Variants in GTF2H5 observed in about 807,000 individuals in gnomAD.
GTF2H5 encodes TFB5 ortholog.
Under a neutral mutation model 7.1 loss-of-function variants are expected in GTF2H5, and 5 were observed. The ratio of observed to expected loss-of-function variants is 0.71; its 90% CI spans 0.37 to 1.49. GTF2H5 has a LOEUF of 1.49. Among genes scored for constraint, GTF2H5 ranks in the 40% most tolerant of loss-of-function variants. The pLI is 0.03. For synonymous variants in GTF2H5, 30 were observed against 31.7 expected (o/e 0.95, Z 0.18); for missense variants, 80 against 83.0 (o/e 0.96, Z 0.14).
intron 2 of GTF2H5, among the ~76,000 whole-genome samples, chr6:158,171,090 A>G (rs994619208): frequency 3.3e-5 from 5 of 152,302 alleles, no homozygotes; most frequent in South Asian, 4.1e-4. Flanking sequence ...TGCATGGATA[A>G]TGATACTGTT....
chr6:158,188,783 A>G (rs1776973859), intron 2 of GTF2H5, among the ~76,000 whole-genome samples: 1 of 152,140 alleles, frequency 6.6e-6, no homozygotes, highest in Non-Finnish European at 1.5e-5. Context: ...GTTGCCATTC[A>G]GTTGCATGTC....
intron 2 of GTF2H5, among the ~76,000 whole-genome samples, chr6:158,185,166 A>C (rs149809043): frequency 5.7e-4 from 86 of 150,432 alleles, no homozygotes; most frequent in African/African-American, 2.1e-3. Flanking sequence ...TTTTTTAATA[A>C]TTAAAGAGTC....
chr6:158,175,044 G>GTGTGTGTGTGTA, intron 2 of GTF2H5, among the ~76,000 whole-genome samples: 7,625 of 142,804 alleles, frequency 0.053, 710 homozygotes, highest in African/African-American at 0.19. Context: ...GTGTGTGTGT[G>GTGTGTGTGTGTA]TATACACACA....
intron 2 of GTF2H5, among the ~76,000 whole-genome samples, chr6:158,180,057 GC>G (rs1189411918): frequency 6.6e-6 from 1 of 152,122 alleles, no homozygotes; most frequent in African/African-American, 2.4e-5. Flanking sequence ...AGCATGAAAG[GC>G]TGTTGAATTT....
intron 2 of GTF2H5, among the ~76,000 whole-genome samples, chr6:158,184,759 C>T (rs1776883881): frequency 6.6e-6 from 1 of 152,092 alleles, no homozygotes; most frequent in South Asian, 2.1e-4. Context: ...GATAGTTTAC[C>T]ATTGACTAAG....
At chr6:158,169,476 A>G (rs1476007411) in intron 1 of GTF2H5, among the ~76,000 whole-genome samples, 29 of 76,042 alleles carry the variant, frequency 3.8e-4, no homozygotes, top group Non-Finnish European at 5.7e-4. Flanking sequence ...ATTGTATATT[A>G]TATATAATAT....
intron 2 of GTF2H5, among the ~76,000 whole-genome samples, chr6:158,183,801 G>A (rs969173145): frequency 8.5e-5 from 13 of 152,230 alleles, no homozygotes; most frequent in Admixed American, 6.5e-5. Flanking sequence ...TCCAGGTATA[G>A]TCACTCATAG....
chr6:158,185,976 C>T (rs959794848), intron 2 of GTF2H5, among the ~76,000 whole-genome samples: 7 of 151,952 alleles, frequency 4.6e-5, no homozygotes, highest in Admixed American at 1.3e-4. Context: ...GCCTGGGTGA[C>T]GGTGAGACTC....
chr6:158,170,736 G>T (rs952717127), intron 2 of GTF2H5, among the ~76,000 whole-genome samples, 198 bp downstream of exon 2: 1 of 152,190 alleles, frequency 6.6e-6, no homozygotes, highest in Non-Finnish European at 1.5e-5. Context: ...GAACTGGCAT[G>T]ATCAGAGGCA....
In GTF2H5 at chr6:158,192,163, C is replaced by T. The variant is rs1344765106; in HGVS notation, c.*6C>T. 2.0e-5 allele frequency: 32 copies of T among 1,604,960 alleles called. No individual in the cohort carries two copies. Among genetic ancestry groups the T allele is most frequent in the Non-Finnish European group, 2.6e-5 (31 of 1,173,256 alleles). On this transcript the variant is annotated 3_prime_UTR_variant, in exon 3 of 3. Coordinates refer to ENST00000607778, the MANE Select transcript of GTF2H5 (RefSeq NM_207118.3). ...TTTCCCTTACCCAGAAATGAAAATACTCAATATGGACCATTTAGGAATTAT... is the reference window on the plus strand; with the variant it reads ...TTTCCCTTACCCAGAAATGAAAATATTCAATATGGACCATTTAGGAATTAT...
At chr6:158,170,604 T>C in intron 2 of GTF2H5, 66 bp downstream of exon 2, 2 of 1,120,568 alleles carry the variant, frequency 1.8e-6, no homozygotes, top group South Asian at 2.5e-5. Flanking sequence ...TATGTATGTC[T>C]TTTCTAAAAC....
intron 2 of GTF2H5, among the ~76,000 whole-genome samples, chr6:158,186,252 C>T (rs573687109): frequency 8.5e-5 from 13 of 152,278 alleles, no homozygotes; most frequent in African/African-American, 1.9e-4. Flanking sequence ...AGTCCTGAGG[C>T]GCTTCTTGGT....
chr6:158,187,366 A>T (rs775430884), intron 2 of GTF2H5, among the ~76,000 whole-genome samples: 6 of 152,112 alleles, frequency 3.9e-5, no homozygotes, highest in Non-Finnish European at 8.8e-5. Context: ...AAAGGAATGG[A>T]GAGTCTCTAC....
At position 158,169,509 on chromosome 6, in the gene GTF2H5, GTATAT is replaced by G. The variant is rs1454678492; in HGVS notation, c.-34-955_-34-951del. 1.3e-4 allele frequency among the ~76,000 whole-genome samples: 7 copies of G among 55,824 alleles called. 1 individual carries two copies. Among genetic ancestry groups the G allele is most frequent in the African/African-American group, 4.6e-4 (6 of 13,010 alleles). The allele number at this position is 55,824 out of a possible 152,430, so 36.6% of individuals were successfully genotyped here. ...TATATTGTATATTATATAATATATT[GTATAT>G]TATATATAATATACAGTATATTATA... On this transcript the variant is annotated intron_variant, in intron 1 of 2. Transcript: ENST00000607778.
At position 158,196,879 on chromosome 6, in the gene GTF2H5, G is replaced by T. The variant is rs1738379501; in HGVS notation, c.*4722G>T. 1 of 152,178 alleles carries T rather than the reference G, an allele frequency of 6.6e-6. No individual in the cohort carries two copies. Among genetic ancestry groups the T allele is most frequent in the African/African-American group, 2.4e-5 (1 of 41,434 alleles). 9.4% of individuals were successfully genotyped at this position (152,178 alleles called of 1,614,324 possible). A position where few individuals can be genotyped will look rare whatever the true frequency, so the allele number is the denominator to read the frequency against. On this transcript the variant is annotated 3_prime_UTR_variant, in exon 3 of 3. Transcript: ENST00000607778. The stretch of plus-strand genomic sequence containing the variant: ...TCTCATTCATGCCCTACTTGAAGAG[G>T]ACCAATGATTAACAGCAGAAACGAT...
intron 2 of GTF2H5, among the ~76,000 whole-genome samples, chr6:158,180,998 T>C (rs1229118621): frequency 6.6e-6 from 1 of 152,200 alleles, no homozygotes; most frequent in Non-Finnish European, 1.5e-5. Context: ...TGCTTTCTCT[T>C]GTGGGCATTT....
intron 2 of GTF2H5, among the ~76,000 whole-genome samples, chr6:158,172,630 G>C (rs2128429099): frequency 6.6e-6 from 1 of 152,056 alleles, no homozygotes; most frequent in Non-Finnish European, 1.5e-5. Flanking sequence ...GTTTTTGTCT[G>C]TTCATTTTGC....
At chr6:158,189,064 C>T (rs923376860) in intron 2 of GTF2H5, among the ~76,000 whole-genome samples, 4 of 151,952 alleles carry the variant, frequency 2.6e-5, no homozygotes, top group Admixed American at 2.0e-4. Flanking sequence ...TTCCTTCCCC[C>T]ACCCACCTTT....
intron 2 of GTF2H5, among the ~76,000 whole-genome samples, chr6:158,184,552 C>T (rs1251192611): frequency 6.6e-6 from 1 of 152,136 alleles, no homozygotes; most frequent in Non-Finnish European, 1.5e-5. Context: ...TGTTATTGAG[C>T]ACCTATAATG....
Sources: gnomAD v4.1 joint callset for allele counts (sites outside exome capture counted in the v4.1 genomes callset) on GRCh38, gnomAD v4.1.1 for gene constraint, MANE v1.5 for transcripts, NCBI Gene and HGNC (gene_info 2026-07-23, HGNC 2026-07-21) for gene names.